The following UBE3D variants were observed in gnomAD, a reference collection of about 807,000 sequenced individuals.
The protein encoded by UBE3D is E3 ubiquitin-protein ligase E3D.
Under a neutral mutation model 49.6 loss-of-function variants are expected in UBE3D, and 48 were observed. The ratio of observed to expected loss-of-function variants is 0.97; its 90% CI spans 0.77 to 1.23. The LOEUF (loss-of-function observed/expected upper bound fraction) is 1.23. Ranked by LOEUF, UBE3D falls within the 50% of genes most tolerant of loss-of-function variation. The pLI, the probability that UBE3D is intolerant of heterozygous loss-of-function variation, is 0.00. For missense variants in UBE3D, 452 were observed against 468.4 expected (o/e 0.96, Z 0.32); for synonymous variants, 189 against 174.2 (o/e 1.08, Z -0.67).
intron 8 of UBE3D, among the ~76,000 whole-genome samples, chr6:83,015,210 A>G (rs1780617003): frequency 1.3e-5 from 2 of 152,200 alleles, no homozygotes; most frequent in Admixed American, 1.3e-4. Context: ...CTGCCTTCAC[A>G]AATCTACTTC....
At chr6:82,993,121 G>GGAGAGAGAGAGAGAGAGAGACA (rs1779007775) in intron 8 of UBE3D, among the ~76,000 whole-genome samples, 2 of 149,820 alleles carry the variant, frequency 1.3e-5, no homozygotes, top group Admixed American at 6.7e-5. Flanking sequence ...GGGTCGGGGG[G>GGAGAGAGAGAGAGAGAGAGACA]GAGAGAGAGA....
chr6:82,980,815 G>A (rs1017174254), intron 8 of UBE3D, among the ~76,000 whole-genome samples: 3 of 152,030 alleles, frequency 2.0e-5, no homozygotes, highest in African/African-American at 7.2e-5. Context: ...CGAAAAGGGT[G>A]TCCTTTCCTC....
intron 9 of UBE3D, among the ~76,000 whole-genome samples, chr6:82,919,572 G>A (rs1417837020): frequency 6.6e-6 from 1 of 151,410 alleles, no homozygotes; most frequent in Non-Finnish European, 1.5e-5. Flanking sequence ...CTCCAGCCTG[G>A]GCGACACAGC....
intron 9 of UBE3D, among the ~76,000 whole-genome samples, chr6:82,942,987 C>T (rs1186217881): frequency 6.6e-6 from 1 of 152,206 alleles, no homozygotes; most frequent in Admixed American, 6.5e-5. Context: ...CCCATGAAAG[C>T]AGCCAGGAGG....
chr6:82,939,999 C>T (rs374965925), intron 9 of UBE3D, among the ~76,000 whole-genome samples: 3 of 152,184 alleles, frequency 2.0e-5, no homozygotes, highest in East Asian at 3.9e-4. Flanking sequence ...TTGCCCACAA[C>T]CTCAACTCCT....
intron 3 of UBE3D, among the ~76,000 whole-genome samples, chr6:83,048,742 T>C (rs1783253031): frequency 6.6e-6 from 1 of 152,232 alleles, no homozygotes. Flanking sequence ...AAAAAATTTT[T>C]TTGATGTTTT....
At position 83,054,149 on chromosome 6, in the gene UBE3D, T is replaced by C. The variant is rs1783657503; in HGVS notation, c.364A>G (p.Arg122Gly). 1 of 1,612,272 alleles carries C rather than the reference T, an allele frequency of 6.2e-7. No homozygotes were observed. ...ATCAGTGTTAAATATATTCCTTACC[T>C]GTCTTTTATTATGACTTCACCGCAG... ...QSCGEVIIKD[R>G]KLLRVLPLPS... Residue 122 changes from arginine (R) to glycine (G), a missense_variant and splice_region_variant, in exon 3 of 10, where the codon AGG becomes GGG. Physicochemically the swap from Arg to Gly is moderately radical, Grantham distance 125. Coordinates refer to ENST00000369747, the MANE Select transcript of UBE3D (RefSeq NM_198920.3).
At position 82,923,401 on chromosome 6, in the gene UBE3D, C is replaced by T. The variant is rs1447818210; in HGVS notation, c.1150-30359G>A. On this transcript the variant is annotated intron_variant, in intron 9 of 9. Coordinates refer to ENST00000369747, the MANE Select transcript of UBE3D (RefSeq NM_198920.3). ...GCCATAAAAAAGGATGAGTTCATGTCCTTTGCAGGCACACAGATGAAGCTA... is the reference window on the plus strand; with the variant it reads ...GCCATAAAAAAGGATGAGTTCATGTTCTTTGCAGGCACACAGATGAAGCTA... 3.9e-5 allele frequency among the ~76,000 whole-genome samples: 6 copies of T among 152,214 alleles called. No individual in the cohort carries two copies. The South Asian group carries it at 1.0e-3, about 26-fold the overall frequency.
At position 83,057,976 on chromosome 6, in the gene UBE3D, A is replaced by G. The variant is rs1783923534; in HGVS notation, c.124T>C (p.Ser42Pro). 1 of 1,614,048 alleles carries G rather than the reference A, an allele frequency of 6.2e-7. No homozygotes were observed. Among genetic ancestry groups the G allele is most frequent in the Non-Finnish European group, 8.5e-7 (1 of 1,180,038 alleles). ...GMPMNISIMP[S>P]SLQMKTPEGC... ...TCAGGGGTTTTCATCTGGAGTGAAG[A>G]TGGCATTATGGAAATATTCATGGGC... The change falls in exon 2 of 10, where the codon TCT becomes CCT. Residue 42 changes from serine (S) to proline (P), a missense_variant. By Grantham distance (74) the Ser-to-Pro change is moderately conservative. Coordinates refer to ENST00000369747, the MANE Select transcript of UBE3D (RefSeq NM_198920.3).
At chr6:83,043,052 C>T (rs1401623331) in intron 4 of UBE3D, among the ~76,000 whole-genome samples, 2 of 152,204 alleles carry the variant, frequency 1.3e-5, no homozygotes, top group Admixed American at 1.3e-4. Flanking sequence ...GATACTAAAA[C>T]TGTAATGTCT....
intron 9 of UBE3D, among the ~76,000 whole-genome samples, chr6:82,930,895 A>G (rs190641465): frequency 2.0e-4 from 30 of 152,340 alleles, no homozygotes; most frequent in South Asian, 8.3e-4. Context: ...GGAGATGAAT[A>G]TTAATCACCA....
chr6:83,039,776 TG>T (rs1160215999), intron 4 of UBE3D, among the ~76,000 whole-genome samples: 1 of 152,102 alleles, frequency 6.6e-6, no homozygotes, highest in African/African-American at 2.4e-5. Context: ...CCCTAGTAGC[TG>T]GGATTACAGG....
At chr6:83,021,324 T>C (rs191268512) in intron 7 of UBE3D, among the ~76,000 whole-genome samples, 1 of 152,148 alleles carries the variant, frequency 6.6e-6, no homozygotes, top group African/African-American at 2.4e-5. Flanking sequence ...GCCTGGAGTC[T>C]CAGCTATTCA....
intron 9 of UBE3D, among the ~76,000 whole-genome samples, chr6:82,954,849 G>A (rs1776048871): frequency 6.6e-6 from 1 of 152,182 alleles, no homozygotes; most frequent in South Asian, 2.1e-4. Context: ...GACCTGGGTA[G>A]GGAAGATGAT....
intron 1 of UBE3D, among the ~76,000 whole-genome samples, chr6:83,058,460 A>G (rs1045655640): frequency 1.6e-4 from 25 of 152,274 alleles, no homozygotes; most frequent in African/African-American, 5.5e-4. Flanking sequence ...GTGTGAAAGG[A>G]CTTACTAATC....
At chr6:82,899,225 A>G (rs1338699698) in intron 9 of UBE3D, among the ~76,000 whole-genome samples, 3 of 152,176 alleles carry the variant, frequency 2.0e-5, no homozygotes, top group Non-Finnish European at 4.4e-5. Flanking sequence ...AGGACCAAAC[A>G]AAACACCAAA....
Position 82,965,842 on chromosome 6 carries a change from A to G in UBE3D, c.1011-8392T>C, listed in dbSNP as rs916774975. On this transcript the variant is annotated intron_variant, in intron 8 of 9. Coordinates refer to ENST00000369747, the MANE Select transcript of UBE3D (RefSeq NM_198920.3). The stretch of plus-strand genomic sequence containing the variant: ...TCAAGCCATCATTCTCACATGGCCA[A>G]CTTTGTTTCATTTGTATCTCCACAC... Among the ~76,000 whole-genome samples, 5 of 152,262 alleles carry G rather than the reference A, an allele frequency of 3.3e-5. No individual in the cohort carries two copies. The East Asian group carries it at 9.6e-4, about 29-fold the overall frequency.
chr6:82,898,090 A>G (rs2127714159), intron 9 of UBE3D, among the ~76,000 whole-genome samples: 1 of 152,368 alleles, frequency 6.6e-6, no homozygotes, highest in East Asian at 1.9e-4. Context: ...GCTCATCATC[A>G]CTGGTCATTA....
At chr6:82,977,774 G>A (rs1777831630) in intron 8 of UBE3D, among the ~76,000 whole-genome samples, 1 of 152,038 alleles carries the variant, frequency 6.6e-6, no homozygotes, top group Non-Finnish European at 1.5e-5. Flanking sequence ...GGAGGTGGAG[G>A]TTACAGTGAA....
Sources: gnomAD v4.1 joint callset for allele counts (sites outside exome capture counted in the v4.1 genomes callset) on GRCh38, gnomAD v4.1.1 for gene constraint, MANE v1.5 for transcripts, NCBI Gene and HGNC (gene_info 2026-07-23, HGNC 2026-07-21) for gene names.